Variants in AP3B1 observed in about 807,000 individuals in gnomAD.
AP3B1 encodes adaptor related protein complex 3 subunit beta 1, also known as AP-3 complex subunit beta-1.
A neutral mutation model predicts 132.5 loss-of-function variants in AP3B1; 61 were observed. The ratio of observed to expected loss-of-function variants is 0.46; its 90% CI spans 0.37 to 0.57. The LOEUF (loss-of-function observed/expected upper bound fraction) is 0.57, where lower values mean the gene tolerates loss of function less well. Ranked by LOEUF, AP3B1 falls within the 20% of genes least tolerant of loss-of-function variation. The probability of loss-of-function intolerance (pLI) is 0.00; values close to 1 mark genes in which losing one functional copy is unlikely to be tolerated. For missense variants in AP3B1, 1,120 were observed against 1,289.4 expected (o/e 0.87, Z 2.01); for synonymous variants, 388 against 438.3 (o/e 0.89, Z 1.43).
chr5:78,029,736 G>A (rs576364236), intron 24 of AP3B1, among the ~76,000 whole-genome samples: 3 of 152,100 alleles, frequency 2.0e-5, no homozygotes, highest in South Asian at 2.1e-4. Flanking sequence ...TCCTGGCCTC[G>A]AGGGATCCTC....
At chr5:78,057,922 C>T (rs1260111634) in intron 22 of AP3B1, among the ~76,000 whole-genome samples, 1 of 151,986 alleles carries the variant, frequency 6.6e-6, no homozygotes, top group Non-Finnish European at 1.5e-5. Flanking sequence ...AAGTGCTAAG[C>T]CTAGATAAGA....
intron 21 of AP3B1, among the ~76,000 whole-genome samples, chr5:78,097,269 C>G (rs1320804636): frequency 9.8e-6 from 1 of 102,312 alleles, no homozygotes; most frequent in Admixed American, 1.0e-4. Context: ...CCAGCCACCC[C>G]GTCCGGGAGG....
At chr5:78,242,986 TTA>T (rs1287895065) in intron 2 of AP3B1, among the ~76,000 whole-genome samples, 10 of 152,226 alleles carry the variant, frequency 6.6e-5, no homozygotes, top group Non-Finnish European at 1.3e-4. Context: ...ACAACAAATG[TTA>T]TATAAATATG....
chr5:78,133,839 A>C (rs2112310623), intron 15 of AP3B1, among the ~76,000 whole-genome samples: 1 of 152,290 alleles, frequency 6.6e-6, no homozygotes, highest in Non-Finnish European at 1.5e-5. Context: ...GTACCAACTA[A>C]TGGCTAATGC....
intron 1 of AP3B1, among the ~76,000 whole-genome samples, chr5:78,279,814 A>G (rs1748962263): frequency 7.2e-6 from 1 of 138,486 alleles, no homozygotes; most frequent in African/African-American, 2.5e-5. Context: ...AGTCCTATAT[A>G]TGTATATATA....
chr5:78,265,514 C>T (rs2112559739), intron 2 of AP3B1, among the ~76,000 whole-genome samples: 1 of 152,244 alleles, frequency 6.6e-6, no homozygotes, highest in Admixed American at 6.5e-5. Flanking sequence ...GTTCTCTTAT[C>T]AGTGTTTAAC....
chr5:78,236,877 T>C (rs1388253724), intron 3 of AP3B1, among the ~76,000 whole-genome samples: 1 of 152,180 alleles, frequency 6.6e-6, no homozygotes, highest in Non-Finnish European at 1.5e-5. Flanking sequence ...GAAGCTCAGA[T>C]ATCATGGCCA....
chr5:78,182,133 TAGGTCCCTG>T (rs1462046868), intron 7 of AP3B1, among the ~76,000 whole-genome samples: 1 of 152,216 alleles, frequency 6.6e-6, no homozygotes, highest in Non-Finnish European at 1.5e-5. Flanking sequence ...TGTTGTTAAG[TAGGTCCCTG>T]AGTTGTCAAG....
At chr5:78,010,728 G>C (rs1009452623) in intron 26 of AP3B1, among the ~76,000 whole-genome samples, 2 of 152,068 alleles carry the variant, frequency 1.3e-5, no homozygotes, top group Non-Finnish European at 2.9e-5. Context: ...AACACATGAG[G>C]TCTTGCCCTT....
At chr5:78,029,569 A>G (rs1747486631) in intron 24 of AP3B1, among the ~76,000 whole-genome samples, 1 of 152,196 alleles carries the variant, frequency 6.6e-6, no homozygotes, top group African/African-American at 2.4e-5. Context: ...TGTGGTGTGC[A>G]TGGCCTCTCC....
chr5:78,168,530 C>T (rs1045997602), intron 11 of AP3B1, among the ~76,000 whole-genome samples: 8 of 152,018 alleles, frequency 5.3e-5, no homozygotes, highest in African/African-American at 1.7e-4. Context: ...AGCTGGACAA[C>T]TTCTAAAAAA....
chr5:78,209,127 C>T (rs1745630435), intron 7 of AP3B1, among the ~76,000 whole-genome samples: 1 of 151,792 alleles, frequency 6.6e-6, no homozygotes, highest in Non-Finnish European at 1.5e-5. Flanking sequence ...AAATAAAATT[C>T]TTACCCCACA....
At chr5:78,073,638 A>C (rs369373100) in intron 22 of AP3B1, among the ~76,000 whole-genome samples, 2,277 of 152,310 alleles carry the variant, frequency 0.015, 50 homozygotes, top group African/African-American at 0.051. Context: ...AGATGACAAA[A>C]CTGCCATAAA....
intron 7 of AP3B1, among the ~76,000 whole-genome samples, chr5:78,189,407 G>C (rs1744734327): frequency 6.6e-6 from 1 of 151,862 alleles, no homozygotes; most frequent in Non-Finnish European, 1.5e-5. Context: ...AGGATTACTT[G>C]CACTACTGTA....
intron 17 of AP3B1, among the ~76,000 whole-genome samples, chr5:78,117,950 T>C (rs1487604503): frequency 2.0e-5 from 3 of 152,332 alleles, no homozygotes; most frequent in South Asian, 4.1e-4. Context: ...TTTTCCTATG[T>C]GCAAGTCTTT....
Position 78,110,328 on chromosome 5 carries a change from T to C in AP3B1, c.2276A>G (p.Asn759Ser). Residue 759 changes from asparagine (N) to serine (S), a missense_variant, in exon 20 of 27, where the codon AAT becomes AGT. Transcript: ENST00000255194. ...AGAATCTGAAGTTTTAGATTTTTCATTTTCCTTCTCCCCATCTTCAGAATC... is the reference window on the plus strand; with the variant it reads ...AGAATCTGAAGTTTTAGATTTTTCACTTTCCTTCTCCCCATCTTCAGAATC... ...KSDSEDGEKE[N>S]EKSKTSDSSN... 6.2e-7 allele frequency: 1 copy of C among 1,609,716 alleles called. No homozygotes were observed. Among genetic ancestry groups the C allele is most frequent in the Non-Finnish European group, 8.5e-7 (1 of 1,177,050 alleles).
Position 78,113,902 on chromosome 5 carries a change from C to T in AP3B1, c.2099G>A (p.Ser700Asn), listed in dbSNP as rs1343705258. The change falls in exon 19 of 27, where the codon AGT becomes AAT. Residue 700 changes from serine (S) to asparagine (N), a missense_variant. Ser to Asn is a conservative substitution (Grantham distance 46). Transcript: ENST00000255194. ...SDSESESGSE[S>N]GEQGESGEEG... Reference sequence around the variant, plus strand: ...CTCCCCACTTTCGCCTTGTTCTCCACTTTCACTTCCAGATTCACTCTCTGA... The same window carrying T: ...CTCCCCACTTTCGCCTTGTTCTCCATTTTCACTTCCAGATTCACTCTCTGA... The T allele has an allele frequency of 6.2e-7, 1 of 1,614,190 alleles. No individual in the cohort carries two copies. Among genetic ancestry groups the T allele is most frequent in the Non-Finnish European group, 8.5e-7 (1 of 1,180,024 alleles).
At chr5:78,020,416 A>G (rs1747041488) in intron 25 of AP3B1, among the ~76,000 whole-genome samples, 1 of 152,146 alleles carries the variant, frequency 6.6e-6, no homozygotes, top group African/African-American at 2.4e-5. Context: ...TTAGTATATC[A>G]TCAGGTTGAC....
At chr5:78,292,977 C>T (rs1303300093) in intron 1 of AP3B1, among the ~76,000 whole-genome samples, 2 of 152,108 alleles carry the variant, frequency 1.3e-5, no homozygotes, top group African/African-American at 4.8e-5. Flanking sequence ...CTCCCGGGTT[C>T]AAGCGATTCT....
Sources: gnomAD v4.1 joint callset for allele counts (sites outside exome capture counted in the v4.1 genomes callset) on GRCh38, gnomAD v4.1.1 for gene constraint, MANE v1.5 for transcripts, NCBI Gene and HGNC (gene_info 2026-07-23, HGNC 2026-07-21) for gene names.